CDHR3: variants seen among roughly 807,000 people sequenced by gnomAD.
The protein encoded by CDHR3 is cadherin-related family member 3.
CDHR3 carries 79 observed loss-of-function variants against 86.6 expected under a neutral mutation model. The observed-to-expected ratio is 0.91, with a 90% CI of 0.76 to 1.10. The LOEUF is 1.10. Among genes scored for constraint, CDHR3 ranks in the 50% least tolerant of loss-of-function variants. The pLI, the probability that CDHR3 is intolerant of heterozygous loss-of-function variation, is 0.00. For missense variants in CDHR3, 1,081 were observed against 1,077.6 expected, an observed-to-expected ratio of 1.00 and a Z score of -0.04; for synonymous variants, 421 against 402.4, an observed-to-expected ratio of 1.05 and a Z score of -0.55.
intron 6 of CDHR3, among the ~76,000 whole-genome samples, chr7:105,998,928 T>C (rs553162872): frequency 1.2e-3 from 190 of 152,356 alleles, no homozygotes; most frequent in African/African-American, 4.4e-3. Context: ...CCATTTCTTT[T>C]GTATTTACTC....
intron 8 of CDHR3, among the ~76,000 whole-genome samples, chr7:106,008,626 G>A (rs1220498830): frequency 6.6e-6 from 1 of 152,168 alleles, no homozygotes; most frequent in Non-Finnish European, 1.5e-5. Context: ...CATTAGATGG[G>A]TGGGGACAGC....
intron 6 of CDHR3, among the ~76,000 whole-genome samples, chr7:105,998,995 T>C (rs982054742): frequency 6.6e-6 from 1 of 152,212 alleles, no homozygotes; most frequent in African/African-American, 2.4e-5. Context: ...ACTTACTGAA[T>C]ACTCATTCAT....
intron 1 of CDHR3, among the ~76,000 whole-genome samples, chr7:105,965,547 C>T (rs919294031): frequency 1.4e-5 from 2 of 142,528 alleles, no homozygotes; most frequent in Non-Finnish European, 3.1e-5. Context: ...ATGCTTCCTT[C>T]AAGGCCCAAC....
chr7:105,982,487 A>G lies in CDHR3; in HGVS notation c.415+1354A>G, dbSNP rs375924344. ...CTGTCTCAAAAAAAAAAAAGAAAAAAAAAAAAAAGAACCAATTAAATCTGG... is the reference window on the plus strand; with the variant it reads ...CTGTCTCAAAAAAAAAAAAGAAAAAGAAAAAAAAGAACCAATTAAATCTGG... On this transcript the variant is annotated intron_variant, in intron 3 of 18. Transcript: ENST00000317716. Among the ~76,000 whole-genome samples, 250 of 150,996 alleles carry G rather than the reference A, an allele frequency of 1.7e-3. 2 individuals carry two copies. Among genetic ancestry groups the G allele is most frequent in the African/African-American group, 5.8e-3 (238 of 41,180 alleles).
intron 4 of CDHR3, among the ~76,000 whole-genome samples, chr7:105,984,699 C>T (rs893597814): frequency 6.6e-6 from 1 of 152,038 alleles, no homozygotes; most frequent in Non-Finnish European, 1.5e-5. Flanking sequence ...ATTTTAAAAG[C>T]ATAAAATGTA....
At chr7:105,986,174 T>C (rs959351141) in intron 4 of CDHR3, among the ~76,000 whole-genome samples, 3 of 152,214 alleles carry the variant, frequency 2.0e-5, no homozygotes, top group African/African-American at 7.2e-5. Flanking sequence ...TTGGAAGCCC[T>C]ACCCAGAGGA....
chr7:106,017,665 AC>A (rs1835870881), intron 11 of CDHR3, among the ~76,000 whole-genome samples, 180 bp from the exon 12 acceptor site: 1 of 151,860 alleles, frequency 6.6e-6, no homozygotes, highest in African/African-American at 2.4e-5. Context: ...AGGGTCAGTT[AC>A]CTAGCGGGTG....
At chr7:105,965,251 A>G (rs539857621) in intron 1 of CDHR3, among the ~76,000 whole-genome samples, 8 of 152,316 alleles carry the variant, frequency 5.3e-5, no homozygotes, top group Admixed American at 5.2e-4. Context: ...GGGCAGCCAC[A>G]TCAGCACCCC....
intron 8 of CDHR3, among the ~76,000 whole-genome samples, chr7:106,006,817 C>T (rs945301911): frequency 6.6e-6 from 1 of 152,174 alleles, no homozygotes; most frequent in Non-Finnish European, 1.5e-5. Context: ...AGGACAGTGG[C>T]CCTCTTCTCA....
At chr7:105,965,576 C>CCCCCCCCCCCA (rs1554507721) in intron 1 of CDHR3, among the ~76,000 whole-genome samples, 1 of 125,474 alleles carries the variant, frequency 8.0e-6, no homozygotes, top group Non-Finnish European at 1.8e-5. Context: ...CACCCCCCCC[C>CCCCCCCCCCCA]ATGGAGTCTT....
At chr7:105,975,863 G>C (rs1326477621) in intron 2 of CDHR3, among the ~76,000 whole-genome samples, 1 of 152,170 alleles carries the variant, frequency 6.6e-6, no homozygotes, top group African/African-American at 2.4e-5. Context: ...TCCTGAGTCA[G>C]GGTTGCTTCC....
intron 16 of CDHR3, among the ~76,000 whole-genome samples, chr7:106,028,104 T>C: frequency 6.8e-6 from 1 of 147,700 alleles, no homozygotes; most frequent in African/African-American, 2.6e-5. Flanking sequence ...ACGACAAGAG[T>C]GAGACCCTGT....
At chr7:105,976,426 T>G (rs990703456) in intron 2 of CDHR3, among the ~76,000 whole-genome samples, 18 of 152,208 alleles carry the variant, frequency 1.2e-4, no homozygotes, top group African/African-American at 4.3e-4. Context: ...CTGGCTCCAG[T>G]GCTCTCATTT....
chr7:105,976,697 A>C (rs560680997), intron 2 of CDHR3, among the ~76,000 whole-genome samples: 154 of 152,294 alleles, frequency 1.0e-3, no homozygotes, highest in African/African-American at 3.5e-3. Context: ...TATGAATGGA[A>C]TCATTATAGT....
intron 1 of CDHR3, among the ~76,000 whole-genome samples, chr7:105,967,197 G>A (rs1479794962): frequency 2.0e-5 from 3 of 152,076 alleles, no homozygotes; most frequent in Non-Finnish European, 4.4e-5. Context: ...GAGTGAGAAC[G>A]TGCAGTGTTT....
chr7:105,971,140 CA>C (rs5886378), intron 1 of CDHR3, among the ~76,000 whole-genome samples: 66,387 of 136,724 alleles, frequency 0.49, 15,923 homozygotes, highest in South Asian at 0.66. Flanking sequence ...GACTCCATTT[CA>C]AAAAAAAAAA....
chr7:106,002,926 G>A (rs1365178890), intron 7 of CDHR3, among the ~76,000 whole-genome samples: 1 of 152,124 alleles, frequency 6.6e-6, no homozygotes, highest in African/African-American at 2.4e-5. Flanking sequence ...TTGAGCCCAG[G>A]AGTTTGAGAC....
intron 4 of CDHR3, among the ~76,000 whole-genome samples, chr7:105,991,565 T>C (rs1461469016): frequency 2.0e-5 from 3 of 152,240 alleles, no homozygotes; most frequent in Non-Finnish European, 4.4e-5. Flanking sequence ...CTGGAGAAGA[T>C]TTTAAAGCCA....
At position 106,015,218 on chromosome 7, in the gene CDHR3, G is replaced by A. The variant is rs771269956; in HGVS notation, c.1327+5G>A. On this transcript the variant is annotated splice_donor_5th_base_variant and intron_variant, in intron 10 of 18. Coordinates refer to ENST00000317716, the MANE Select transcript of CDHR3 (RefSeq NM_152750.5). ...TGGCCCCCCCTTACTATAAAAGCAAGTATCATTTTGTTTTATTTCATGATT... is the reference window on the plus strand; with the variant it reads ...TGGCCCCCCCTTACTATAAAAGCAAATATCATTTTGTTTTATTTCATGATT... 14 of 1,596,398 alleles carry A rather than the reference G, an allele frequency of 8.8e-6. No individual in the cohort carries two copies. In the African/African-American group the frequency reaches 9.4e-5, roughly 11 times the overall value.
Sources: gnomAD v4.1 joint callset for allele counts (sites outside exome capture counted in the v4.1 genomes callset) on GRCh38, gnomAD v4.1.1 for gene constraint, MANE v1.5 for transcripts, NCBI Gene and HGNC (gene_info 2026-07-23, HGNC 2026-07-21) for gene names.